Variants in PLA2R1 observed in about 807,000 individuals in gnomAD.
PLA2R1 encodes phospholipase A2 receptor 1.
In PLA2R1, 158 loss-of-function variants were observed where a neutral mutation model predicts 195.9. The observed-to-expected ratio is 0.81, with a 90% confidence interval of 0.71 to 0.92. The LOEUF is 0.92. Ranked by LOEUF, PLA2R1 falls within the 40% of genes least tolerant of loss-of-function variation. The pLI is 0.00. For synonymous variants in PLA2R1, 586 were observed against 598.2 expected (o/e 0.98, Z 0.30); for missense variants, 1,626 against 1,764.6 (o/e 0.92, Z 1.41).
At chr2:159,986,647 C>T (rs1032855234) in intron 12 of PLA2R1, among the ~76,000 whole-genome samples, 4 of 150,782 alleles carry the variant, frequency 2.7e-5, no homozygotes, top group Admixed American at 6.6e-5. Context: ...AGTGCTATGG[C>T]GCAGTCTCGG....
At chr2:159,977,008 G>A (rs1026069512) in intron 15 of PLA2R1, among the ~76,000 whole-genome samples, 2 of 152,176 alleles carry the variant, frequency 1.3e-5, no homozygotes, top group Non-Finnish European at 2.9e-5. Flanking sequence ...AATTCCATTT[G>A]CTCTGTAATG....
intron 1 of PLA2R1, among the ~76,000 whole-genome samples, chr2:160,047,851 G>C (rs1009611647): frequency 1.1e-4 from 17 of 152,170 alleles, no homozygotes; most frequent in African/African-American, 4.1e-4. Flanking sequence ...TTTGAAACAA[G>C]GTCTTGCTCT....
chr2:159,960,562 G>A (rs1032147437), intron 20 of PLA2R1, among the ~76,000 whole-genome samples: 25 of 152,278 alleles, frequency 1.6e-4, no homozygotes, highest in African/African-American at 6.0e-4. Context: ...ACAGTGCAAA[G>A]CAGCCATTAC....
chr2:159,952,998 A>G (rs989534214), intron 23 of PLA2R1, among the ~76,000 whole-genome samples: 2 of 152,234 alleles, frequency 1.3e-5, no homozygotes, highest in African/African-American at 4.8e-5. Context: ...TGCCCAGTGT[A>G]ATGGTTATTC....
At chr2:160,017,666 TA>T (rs1346398569) in intron 8 of PLA2R1, among the ~76,000 whole-genome samples, 1 of 152,228 alleles carries the variant, frequency 6.6e-6, no homozygotes, top group African/African-American at 2.4e-5. Flanking sequence ...GATCTTTCAT[TA>T]ATAATGATAT....
At chr2:159,980,982 A>T (rs1266754919) in intron 13 of PLA2R1, among the ~76,000 whole-genome samples, 2 of 152,186 alleles carry the variant, frequency 1.3e-5, no homozygotes, top group African/African-American at 2.4e-5. Context: ...TAAGGCTGGG[A>T]GAAGGTGAGA....
chr2:160,034,181 G>T (rs4665139), intron 3 of PLA2R1, among the ~76,000 whole-genome samples: 53,717 of 151,912 alleles, frequency 0.35, 11,807 homozygotes, highest in Non-Finnish European at 0.5. Context: ...TTTTTGTTTG[G>T]TTTTTTTTCC....
At position 159,955,362 on chromosome 2, in the gene PLA2R1, C is replaced by T. The variant is rs190774151; in HGVS notation, c.3154-16G>A. 7.4e-4 allele frequency: 1,137 copies of T among 1,529,476 alleles called. 5 individuals are homozygous for T. The highest frequency in any genetic ancestry group is 5.3e-3 in the Middle Eastern group (31 of 5,826). The allele number at this position is 1,529,476 out of a possible 1,614,324, so 94.7% of individuals were successfully genotyped here. On this transcript the variant is annotated splice_polypyrimidine_tract_variant and intron_variant, in intron 22 of 29. Transcript: ENST00000283243. ...GACTTGGAATCTTTAAAATAATACA[C>T]GTTATCAAAAGTATGATAACATATA... is the stretch of plus-strand genomic sequence containing the variant.
intron 1 of PLA2R1, among the ~76,000 whole-genome samples, 193 bp downstream of exon 1, chr2:160,062,102 G>T (rs1574004862): frequency 6.6e-6 from 1 of 151,926 alleles, no homozygotes; most frequent in Non-Finnish European, 1.5e-5. Flanking sequence ...GTGGGGTGCT[G>T]GGCCTAGACA....
intron 11 of PLA2R1, among the ~76,000 whole-genome samples, chr2:159,987,723 G>A (rs1220172796): frequency 6.6e-6 from 1 of 152,172 alleles, no homozygotes; most frequent in Non-Finnish European, 1.5e-5. Context: ...AATGAAAGGT[G>A]CATAGTGCTC....
In PLA2R1 at chr2:159,987,125, G is replaced by A. The variant is rs751952983; in HGVS notation, c.2037+31C>T. The A allele has an allele frequency of 2.0e-6, 3 of 1,514,040 alleles. No homozygotes were observed. In the African/African-American group the frequency reaches 4.1e-5, roughly 21 times the overall value. The allele number at this position is 1,514,040 out of a possible 1,614,324, so 93.8% of individuals were successfully genotyped here. ...ATCAAATTAAAATAGTGTTGGTCCT[G>A]TTAAGAATGTCCATGTAACCTTGGT... On this transcript the variant is annotated intron_variant, in intron 12 of 29. Coordinates refer to ENST00000283243, the MANE Select transcript of PLA2R1 (RefSeq NM_007366.5).
chr2:159,987,168 G>A lies in PLA2R1; in HGVS notation c.2025C>T (p.Ala675=), dbSNP rs1207901362. ...ACCTTGGTATCACCTTGAAGCAACT[G>A]GCCAGACCAGGCTCTGACTCCCAGT... ...YLDWESEPGL[A]SCFKVFHSEK... is the part of the protein sequence containing the mutation. Residue 675 remains alanine (A), a synonymous_variant, in exon 12 of 30, where the codon GCC becomes GCT. Coordinates refer to ENST00000283243, the MANE Select transcript of PLA2R1 (RefSeq NM_007366.5). 6.2e-7 allele frequency: 1 copy of A among 1,612,780 alleles called. No individual in the cohort carries two copies. The highest frequency in any genetic ancestry group is 8.5e-7 in the Non-Finnish European group (1 of 1,178,806).
chr2:160,046,881 C>T (rs1187614244), intron 1 of PLA2R1, among the ~76,000 whole-genome samples: 3 of 152,152 alleles, frequency 2.0e-5, no homozygotes, highest in Admixed American at 2.0e-4. Flanking sequence ...CGATAATTAA[C>T]CTTCTGTCCA....
At chr2:160,061,032 G>C (rs1228082750) in intron 1 of PLA2R1, among the ~76,000 whole-genome samples, 3 of 152,218 alleles carry the variant, frequency 2.0e-5, no homozygotes, top group Non-Finnish European at 4.4e-5. Context: ...CCTCCAGGGA[G>C]CTTAGGAAAC....
At chr2:160,039,229 G>A (rs1229620370) in intron 3 of PLA2R1, among the ~76,000 whole-genome samples, 1 of 152,022 alleles carries the variant, frequency 6.6e-6, no homozygotes, top group Non-Finnish European at 1.5e-5. Flanking sequence ...AGGTTCAAGG[G>A]CAATCATATC....
chr2:160,062,613 T>A lies in PLA2R1; in HGVS notation c.-210A>T. 1.1e-6 allele frequency: 1 copy of A among 886,370 alleles called. No individual in the cohort carries two copies. The highest frequency in any genetic ancestry group is 3.4e-5 in the East Asian group (1 of 29,756). The allele number at this position is 886,370 out of a possible 1,614,324, so 54.9% of individuals were successfully genotyped here. On this transcript the variant is annotated 5_prime_UTR_variant, in exon 1 of 30. Transcript: ENST00000283243. ...TCCACAGTGAACCGACACTCGGGGCTCTGGGCTGGGATGCGGGAAAGTCGC... is the reference window on the plus strand; with the variant it reads ...TCCACAGTGAACCGACACTCGGGGCACTGGGCTGGGATGCGGGAAAGTCGC...
In PLA2R1 at chr2:160,045,128, T is replaced by G; in HGVS notation, c.139A>C (p.Ser47Arg). ...CCTGCTTGAATGCATTTCTTGAGAC[T>G]CTCACTTTGGATAACAAATATTCCT... ...DKGIFVIQSE[S>R]LKKCIQAGKS... Residue 47 changes from serine (S) to arginine (R), a missense_variant, in exon 2 of 30, where the codon AGT becomes CGT. Coordinates refer to ENST00000283243, the MANE Select transcript of PLA2R1 (RefSeq NM_007366.5). 6.2e-7 allele frequency: 1 copy of G among 1,604,738 alleles called. No homozygotes were observed. The highest frequency in any genetic ancestry group is 8.5e-7 in the Non-Finnish European group (1 of 1,172,702).
intron 28 of PLA2R1, among the ~76,000 whole-genome samples, chr2:159,944,324 A>C (rs1399426186): frequency 6.6e-6 from 1 of 152,160 alleles, no homozygotes; most frequent in African/African-American, 2.4e-5. Context: ...TAATACTGAC[A>C]TCTAGAAATT....
intron 20 of PLA2R1, among the ~76,000 whole-genome samples, chr2:159,959,509 T>G (rs1285710362): frequency 6.6e-6 from 1 of 152,224 alleles, no homozygotes; most frequent in African/African-American, 2.4e-5. Context: ...AATTGTTTAC[T>G]TACTAATTTG....
Sources: gnomAD v4.1 joint callset for allele counts (sites outside exome capture counted in the v4.1 genomes callset) on GRCh38, gnomAD v4.1.1 for gene constraint, MANE v1.5 for transcripts, NCBI Gene and HGNC (gene_info 2026-07-23, HGNC 2026-07-21) for gene names.